PWWP2A: variants seen among roughly 807,000 people sequenced by gnomAD.
PWWP2A encodes the protein PWWP domain containing 2A.
In PWWP2A, 18 loss-of-function variants were observed where a neutral mutation model predicts 48.5. That is an observed-to-expected ratio of 0.37 (90% CI 0.26 to 0.55). PWWP2A has a LOEUF of 0.55. Among genes scored for constraint, PWWP2A ranks in the 20% least tolerant of loss-of-function variants. The pLI, the probability that PWWP2A is intolerant of heterozygous loss-of-function variation, is 0.81. For missense variants in PWWP2A, 867 were observed against 976.4 expected (o/e 0.89, Z 1.49); for synonymous variants, 396 against 387.7 (o/e 1.02, Z -0.25).
At chr5:160,097,708 G>T (rs568952071) in intron 1 of PWWP2A, among the ~76,000 whole-genome samples, 2 of 119,880 alleles carry the variant, frequency 1.7e-5, no homozygotes, top group South Asian at 2.7e-4. Context: ...TTTTTTTTTG[G>T]GGGGGGGGGC....
intron 1 of PWWP2A, among the ~76,000 whole-genome samples, chr5:160,101,946 C>T (rs1168749485): frequency 6.6e-6 from 1 of 151,256 alleles, no homozygotes; most frequent in African/African-American, 2.4e-5. Flanking sequence ...CCAGTCTCTA[C>T]TAAACATACA....
At chr5:160,071,573 G>A (rs529165823), downstream of PWWP2A, among the ~76,000 whole-genome samples, 126 of 152,274 alleles carry the variant, frequency 8.3e-4, no homozygotes, top group African/African-American at 2.7e-3. Flanking sequence ...ATCTTTAAGA[G>A]GAAGAGTCCA....
downstream of PWWP2A, among the ~76,000 whole-genome samples, chr5:160,087,176 T>C (rs1050637598): frequency 6.6e-6 from 1 of 152,100 alleles, no homozygotes; most frequent in Non-Finnish European, 1.5e-5. Flanking sequence ...CCCAGGAGTT[T>C]GATAGCAGCC....
At chr5:160,046,020 C>T in the PWWP2A span, among the ~76,000 whole-genome samples, 1 of 152,180 alleles carries the variant, frequency 6.6e-6, no homozygotes, top group Non-Finnish European at 1.5e-5. Flanking sequence ...AGATTACAGG[C>T]ATGAGCCACT....
downstream of PWWP2A, chr5:160,091,297 C>T (rs149667818): frequency 3.5e-3 from 3,463 of 977,480 alleles, 6 homozygotes; most frequent in South Asian, 0.017. Flanking sequence ...TTTCTACCAT[C>T]TTGAAATTTT....
At chr5:160,047,787 A>G in the PWWP2A span, among the ~76,000 whole-genome samples, 1 of 152,200 alleles carries the variant, frequency 6.6e-6, no homozygotes, top group Non-Finnish European at 1.5e-5. Flanking sequence ...TTAGCCTTTC[A>G]CATGGCTGGC....
chr5:160,045,520 A>ACACACC, the PWWP2A span, among the ~76,000 whole-genome samples: 1 of 54,884 alleles, frequency 1.8e-5, no homozygotes, highest in Non-Finnish European at 3.3e-5. Flanking sequence ...ACACATACAC[A>ACACACC]CTCTCTCTCT....
chr5:160,077,977 C>A lies in PWWP2A; in HGVS notation c.*178G>T. 1 of 513,212 alleles carries A rather than the reference C, an allele frequency of 1.9e-6. No homozygotes were observed. Among genetic ancestry groups the A allele is most frequent in the South Asian group, 3.5e-5 (1 of 28,334 alleles). 31.8% of individuals were successfully genotyped at this position (513,212 alleles called of 1,614,324 possible). ...ATTTTTTATAAAATATTCCCTAATA[C>A]CTTTTCTTCGGTTTAAGACAGCACA... is the stretch of plus-strand genomic sequence containing the variant. On this transcript the variant is annotated 3_prime_UTR_variant, in exon 4 of 4. Coordinates refer to the PWWP2A transcript ENST00000456329. The surrounding 1 kb of genome is among the most constrained non-coding windows in gnomAD (Gnocchi z 4.2).
At chr5:160,115,035 G>A (rs1757971403) in intron 1 of PWWP2A, among the ~76,000 whole-genome samples, 1 of 150,320 alleles carries the variant, frequency 6.7e-6, no homozygotes, top group Admixed American at 6.7e-5. Flanking sequence ...TACTCAGGAG[G>A]CTGAGGCAGA....
chr5:160,072,259 T>C (rs752447413), downstream of PWWP2A, among the ~76,000 whole-genome samples: 1 of 152,096 alleles, frequency 6.6e-6, no homozygotes, highest in African/African-American at 2.4e-5. Flanking sequence ...AAATGAAAAA[T>C]TGATTACTGT....
At position 160,092,915 on chromosome 5, in the gene PWWP2A, T is replaced by A. The variant is rs1561668843; in HGVS notation, c.1735A>T (p.Ser579Cys). 6.4e-7 allele frequency: 1 copy of A among 1,551,728 alleles called. No homozygotes were observed. The highest frequency in any genetic ancestry group is 8.7e-7 in the Non-Finnish European group (1 of 1,146,982). Residue 579 changes from serine (S) to cysteine (C), a missense_variant, in exon 2 of 2, where the codon AGT becomes TGT. Ser to Cys is a moderately radical substitution (Grantham distance 112). This residue lies in a region of PWWP2A where 382 missense variants were observed against 407.2 expected (regional missense o/e 0.94). Transcript: ENST00000307063. ...TLNQKKSDSSSASVCSIDSTD... is the reference protein window; with the variant it reads ...TLNQKKSDSSCASVCSIDSTD... ...CTATCAATGCTACACACTGAAGCAC[T>A]GGAAGAGTCAGATTTCTTTTGATTT... is the stretch of plus-strand genomic sequence containing the variant.
At chr5:160,058,219 T>C (rs11135089), downstream of PWWP2A, among the ~76,000 whole-genome samples, 104,227 of 152,018 alleles carry the variant, frequency 0.69, 35,908 homozygotes, top group East Asian at 0.76. Context: ...TGTAGCAATT[T>C]AGTCACATCT....
At chr5:160,117,586 GGCGGAGGTT>G (rs1758268945) in intron 1 of PWWP2A, among the ~76,000 whole-genome samples, 1 of 152,096 alleles carries the variant, frequency 6.6e-6, no homozygotes, top group Non-Finnish European at 1.5e-5. Flanking sequence ...GAACCCAGGA[GGCGGAGGTT>G]GCAGTGAGAC....
At chr5:160,110,972 CAAAAA>C (rs1195225635) in intron 1 of PWWP2A, among the ~76,000 whole-genome samples, 2 of 54,128 alleles carry the variant, frequency 3.7e-5, no homozygotes, top group Admixed American at 2.1e-4. Flanking sequence ...GACTCTGTCT[CAAAAA>C]AAAAAAAAAA....
At chr5:160,065,316 C>T in intron 4 of PWWP2A, 1 of 618,988 alleles carries the variant, frequency 1.6e-6, no homozygotes, top group Non-Finnish European at 3.0e-6. Context: ...TCTGGCTGTC[C>T]TATGTCCAGG....
chr5:160,045,727 CT>C, the PWWP2A span, among the ~76,000 whole-genome samples: 4 of 151,720 alleles, frequency 2.6e-5, no homozygotes, highest in African/African-American at 9.7e-5. Flanking sequence ...ACCCAGCTAA[CT>C]TTTTTTATTT....
chr5:160,075,318 C>G (rs918352395), downstream of PWWP2A, among the ~76,000 whole-genome samples: 4 of 152,098 alleles, frequency 2.6e-5, no homozygotes, highest in Non-Finnish European at 5.9e-5. Context: ...TTCATGTACT[C>G]TGGAATAACA....
At chr5:160,067,151 G>C (rs776264294) in intron 2 of PWWP2A, among the ~76,000 whole-genome samples, 1 of 152,176 alleles carries the variant, frequency 6.6e-6, no homozygotes, top group African/African-American at 2.4e-5. Context: ...TGCATGGCTT[G>C]ATAGAGAACA....
At chr5:160,063,966 C>CTTTTTTT (rs34967107) in intron 4 of PWWP2A, among the ~76,000 whole-genome samples, 3 of 106,664 alleles carry the variant, frequency 2.8e-5, no homozygotes, top group Admixed American at 1.2e-4. Context: ...TAGACCATGA[C>CTTTTTTT]TTTTTTTTTT....
Sources: gnomAD v4.1 joint callset for allele counts (sites outside exome capture counted in the v4.1 genomes callset) on GRCh38, gnomAD v4.1.1 for gene constraint, gnomAD v4.1.1 regional missense constraint, Gnocchi (gnomAD v3.1) non-coding constraint, MANE v1.5 for transcripts, NCBI Gene and HGNC (gene_info 2026-07-23, HGNC 2026-07-21) for gene names.